PTPRN2: variants seen among roughly 807,000 people sequenced by gnomAD.
PTPRN2 encodes the protein receptor-type tyrosine-protein phosphatase N2.
A neutral mutation model predicts 118.8 loss-of-function variants in PTPRN2; 74 were observed. The observed-to-expected ratio is 0.62, with a 90% CI of 0.52 to 0.76. PTPRN2 has a LOEUF of 0.76. Among genes scored for constraint, PTPRN2 ranks in the 30% least tolerant of loss-of-function variants. The pLI is 0.00. For missense variants in PTPRN2, 1,481 were observed against 1,394.4 expected, an observed-to-expected ratio of 1.06 and a Z score of -0.99; for synonymous variants, 641 against 608.0, an observed-to-expected ratio of 1.05 and a Z score of -0.80.
chr7:157,909,819 C>T (rs1479131626), intron 11 of PTPRN2, among the ~76,000 whole-genome samples: 1 of 152,330 alleles, frequency 6.6e-6, no homozygotes, highest in East Asian at 1.9e-4. Flanking sequence ...TTCCACAAAG[C>T]GAGGATTTGC....
At chr7:158,290,996 T>C (rs1031669535) in intron 3 of PTPRN2, among the ~76,000 whole-genome samples, 20 of 152,170 alleles carry the variant, frequency 1.3e-4, no homozygotes, top group African/African-American at 4.8e-4. Context: ...AGATAAAATG[T>C]GGATGCTCTT....
At chr7:157,932,793 G>A (rs530461886) in intron 11 of PTPRN2, among the ~76,000 whole-genome samples, 88 of 150,392 alleles carry the variant, frequency 5.9e-4, no homozygotes, top group Non-Finnish European at 1.0e-3. Flanking sequence ...GAGTCACTCC[G>A]ATGGACAGCT....
intron 1 of PTPRN2, among the ~76,000 whole-genome samples, chr7:158,540,650 C>G (rs1042387702): frequency 1.3e-5 from 2 of 152,190 alleles, no homozygotes; most frequent in African/African-American, 2.4e-5. Context: ...CACAAGGGAC[C>G]CTGGGGCTTC....
chr7:158,502,765 C>CACTGTGTCCATCAACT (rs1330647309), intron 1 of PTPRN2, among the ~76,000 whole-genome samples: 6 of 152,016 alleles, frequency 3.9e-5, no homozygotes, highest in Admixed American at 6.5e-5. Flanking sequence ...CACCCCCAGC[C>CACTGTGTCCATCAACT]ACTGTGTCCA....
chr7:158,153,448 C>A (rs1277860925), intron 6 of PTPRN2, among the ~76,000 whole-genome samples: 2 of 152,164 alleles, frequency 1.3e-5, no homozygotes, highest in Non-Finnish European at 2.9e-5. Flanking sequence ...CCCACTGGGG[C>A]TTTAGGAGCT....
chr7:157,716,495 C>T (rs1440772731), intron 12 of PTPRN2, among the ~76,000 whole-genome samples: 4 of 91,034 alleles, frequency 4.4e-5, no homozygotes, highest in Middle Eastern at 5.5e-3. Context: ...CACGTAGACT[C>T]TGCGGGAACA....
intron 9 of PTPRN2, among the ~76,000 whole-genome samples, chr7:158,127,153 C>T (rs1287849408): frequency 6.6e-6 from 1 of 152,220 alleles, no homozygotes; most frequent in African/African-American, 2.4e-5. Context: ...CTTCCCTCAG[C>T]CGGCCTCCCC....
intron 12 of PTPRN2, among the ~76,000 whole-genome samples, chr7:157,832,276 C>T (rs563610444): frequency 6.6e-5 from 10 of 152,292 alleles, no homozygotes; most frequent in South Asian, 2.1e-4. Context: ...CGATCAGAGG[C>T]GGCTGCATTC....
rs201378289 is a variant in PTPRN2, at chr7:157,609,405, TAAAA to T, written c.2345-5334_2345-5331del. Among the ~76,000 whole-genome samples, 1 of 150,708 alleles carries T rather than the reference TAAAA, an allele frequency of 6.6e-6. No individual in the cohort carries two copies. Among genetic ancestry groups the T allele is most frequent in the African/African-American group, 2.4e-5 (1 of 40,952 alleles). On this transcript the variant is annotated intron_variant, in intron 15 of 22. Transcript: ENST00000389418. This position sits in a 1 kb window ranked among gnomAD's most constrained non-coding sequence, Gnocchi z 4.9. ...TCTCAAAAAAATTTTTTTTTAAATA[TAAAA>T]AAAAAGAGTATTTCAAATTTCTCAG...
chr7:157,628,653 C>T (rs1803747026), intron 14 of PTPRN2, among the ~76,000 whole-genome samples: 1 of 152,162 alleles, frequency 6.6e-6, no homozygotes, highest in Non-Finnish European at 1.5e-5. Context: ...CAGGGGAGAG[C>T]CAGAGTCTAT....
intron 6 of PTPRN2, 60 bp from the exon 7 acceptor site, chr7:158,138,575 CT>C (rs1563493629): frequency 6.0e-6 from 9 of 1,508,428 alleles, no homozygotes; most frequent in Non-Finnish European, 8.2e-6. Flanking sequence ...AGGTGAGGGC[CT>C]CCAGACCATA....
intron 12 of PTPRN2, among the ~76,000 whole-genome samples, chr7:157,841,304 C>T (rs1160058074): frequency 2.0e-5 from 3 of 152,192 alleles, no homozygotes; most frequent in African/African-American, 7.2e-5. Context: ...GGTGAAGAGA[C>T]AAAACTGTGA....
chr7:158,442,633 G>C (rs1369082923), intron 2 of PTPRN2, among the ~76,000 whole-genome samples: 1 of 152,174 alleles, frequency 6.6e-6, no homozygotes, highest in Non-Finnish European at 1.5e-5. Context: ...TTACCCGAAT[G>C]TTCTTCACCA....
At chr7:158,042,130 G>T (rs6972590) in intron 11 of PTPRN2, among the ~76,000 whole-genome samples, 76,293 of 151,992 alleles carry the variant, frequency 0.5, 19,855 homozygotes, top group Non-Finnish European at 0.56. Context: ...CCTCCATCTC[G>T]TGATGCAATG....
In PTPRN2 at chr7:157,671,434, C is replaced by T. The variant is rs191247518; in HGVS notation, c.2001+11291G>A. Reference sequence around the variant, plus strand: ...TAGGGCCCTGGTGTTCGGGATGGGACGGGCCACCCCGGGCTGAGATGGAAG... The same window carrying T: ...TAGGGCCCTGGTGTTCGGGATGGGATGGGCCACCCCGGGCTGAGATGGAAG... On this transcript the variant is annotated intron_variant, in intron 13 of 22. Coordinates refer to ENST00000389418, the MANE Select transcript of PTPRN2 (RefSeq NM_002847.5). The surrounding 1 kb of genome is among the most constrained non-coding windows in gnomAD (Gnocchi z 4.1). Among the ~76,000 whole-genome samples, 321 of 152,200 alleles carry T rather than the reference C, an allele frequency of 2.1e-3. 1 individual carries two copies. Among genetic ancestry groups the T allele is most frequent in the Admixed American group, 3.2e-3 (49 of 15,284 alleles).
intron 12 of PTPRN2, among the ~76,000 whole-genome samples, chr7:157,772,371 A>T (rs1174815071): frequency 6.6e-6 from 1 of 152,150 alleles, no homozygotes; most frequent in Non-Finnish European, 1.5e-5. Flanking sequence ...ACACAGACAC[A>T]GACACACACA....
At chr7:157,958,627 C>T (rs1801332038) in intron 11 of PTPRN2, among the ~76,000 whole-genome samples, 2 of 151,912 alleles carry the variant, frequency 1.3e-5, no homozygotes, top group South Asian at 4.2e-4. Context: ...TAAACAATGC[C>T]AAAAGGACAT....
intron 2 of PTPRN2, among the ~76,000 whole-genome samples, chr7:158,341,949 C>G (rs1806921965): frequency 1.5e-5 from 2 of 137,726 alleles, no homozygotes; most frequent in African/African-American, 5.5e-5. Flanking sequence ...ACCATAAGAG[C>G]TGTCGCCCGC....
chr7:158,267,013 G>A (rs146858086), intron 3 of PTPRN2, among the ~76,000 whole-genome samples: 2,347 of 152,294 alleles, frequency 0.015, 28 homozygotes, highest in Non-Finnish European at 0.023. Context: ...ACTAAAGGGC[G>A]GGGAAGCTGC....
Sources: gnomAD v4.1 joint callset for allele counts (sites outside exome capture counted in the v4.1 genomes callset) on GRCh38, gnomAD v4.1.1 for gene constraint, Gnocchi (gnomAD v3.1) non-coding constraint, MANE v1.5 for transcripts, NCBI Gene and HGNC (gene_info 2026-07-23, HGNC 2026-07-21) for gene names.